Variants in GRM8 observed in about 807,000 individuals in gnomAD.
GRM8 encodes metabotropic glutamate receptor 8.
GRM8 carries 47 observed loss-of-function variants against 87.2 expected under a neutral mutation model. That is an observed-to-expected ratio of 0.54 (90% CI 0.43 to 0.69). The LOEUF (loss-of-function observed/expected upper bound fraction) is 0.69, where lower values mean the gene tolerates loss of function less well. Ranked by LOEUF, GRM8 falls within the 30% of genes least tolerant of loss-of-function variation. GRM8 has a pLI of 0.00. For missense variants in GRM8, 1,019 were observed against 1,139.2 expected, an observed-to-expected ratio of 0.89 and a Z score of 1.52; for synonymous variants, 396 against 404.5, an observed-to-expected ratio of 0.98 and a Z score of 0.25.
At chr7:126,785,124 G>C (rs1411889387) in intron 6 of GRM8, among the ~76,000 whole-genome samples, 1 of 152,154 alleles carries the variant, frequency 6.6e-6, no homozygotes, top group East Asian at 1.9e-4. Flanking sequence ...CTGGGCTCAA[G>C]CAATCCTCTT....
intron 9 of GRM8, among the ~76,000 whole-genome samples, chr7:126,467,989 A>C (rs1395891208): frequency 1.3e-5 from 2 of 152,084 alleles, no homozygotes; most frequent in African/African-American, 2.4e-5. Flanking sequence ...TAATATAATC[A>C]AACTTCAATT....
At chr7:127,166,475 C>T (rs1314620438) in intron 2 of GRM8, among the ~76,000 whole-genome samples, 2 of 152,120 alleles carry the variant, frequency 1.3e-5, no homozygotes, top group Non-Finnish European at 2.9e-5. Context: ...GAAGGCCATA[C>T]AAAATCAGCC....
rs146903036 is a variant in GRM8 at position 126,785,290 on chromosome 7, T to C, written c.1157-15225A>G. Among the ~76,000 whole-genome samples the C allele has an allele frequency of 5.9e-5, 9 of 152,254 alleles. No homozygotes were observed. The South Asian group carries it at 6.2e-4, about 11-fold the overall frequency. On this transcript the variant is annotated intron_variant, in intron 6 of 10. Coordinates refer to ENST00000339582, the MANE Select transcript of GRM8 (RefSeq NM_000845.3). ...GAGTAATCTGGTAAAACACCCTCTT[T>C]CGGTCAAGCTCTTTAGAAGAGCCTT...
chr7:127,172,582 G>A (rs1469653315), intron 2 of GRM8, among the ~76,000 whole-genome samples: 4 of 151,708 alleles, frequency 2.6e-5, no homozygotes, highest in Admixed American at 6.6e-5. Flanking sequence ...GTGGCACATG[G>A]CTGTAGTCCC....
chr7:126,590,789 G>T (rs1047141706), intron 8 of GRM8, among the ~76,000 whole-genome samples: 9 of 151,954 alleles, frequency 5.9e-5, no homozygotes, highest in African/African-American at 1.9e-4. Context: ...AATAAATAAA[G>T]GAAAGATACA....
intron 2 of GRM8, among the ~76,000 whole-genome samples, chr7:127,223,215 C>T (rs183245555): frequency 4.2e-4 from 64 of 152,092 alleles, no homozygotes; most frequent in Non-Finnish European, 7.1e-4. Context: ...GACATGGCAA[C>T]GAGTTCCTGA....
intron 3 of GRM8, among the ~76,000 whole-genome samples, chr7:127,060,969 T>C (rs908629608): frequency 6.6e-6 from 1 of 152,162 alleles, no homozygotes; most frequent in African/African-American, 2.4e-5. Flanking sequence ...AGTTATATAG[T>C]GATAGGGTGG....
chr7:126,463,310 T>G (rs1237179660), intron 9 of GRM8, among the ~76,000 whole-genome samples: 1 of 151,544 alleles, frequency 6.6e-6, no homozygotes, highest in Non-Finnish European at 1.5e-5. Flanking sequence ...TGCATATACT[T>G]TGAATTATTT....
chr7:127,190,346 C>T (rs1377367706), intron 2 of GRM8, among the ~76,000 whole-genome samples: 1 of 152,092 alleles, frequency 6.6e-6, no homozygotes, highest in African/African-American at 2.4e-5. Context: ...GAGTTCGAGA[C>T]CAGCCTGACC....
At chr7:126,668,293 C>T (rs1050047449) in intron 7 of GRM8, among the ~76,000 whole-genome samples, 8 of 152,150 alleles carry the variant, frequency 5.3e-5, no homozygotes, top group African/African-American at 1.9e-4. Context: ...AGGACCCCAT[C>T]GCTAGCTGAA....
chr7:127,140,830 A>G (rs971656563), intron 2 of GRM8, among the ~76,000 whole-genome samples: 2 of 152,146 alleles, frequency 1.3e-5, no homozygotes, highest in Admixed American at 1.3e-4. Flanking sequence ...AAAGCCAGGC[A>G]TGTGCCTTGA....
At chr7:126,701,910 C>T in intron 7 of GRM8, 1 of 469,506 alleles carries the variant, frequency 2.1e-6, no homozygotes, top group South Asian at 1.6e-5. Flanking sequence ...AGCCCCATGT[C>T]ATGCCTTCTG....
At chr7:126,861,870 G>A (rs1798166464) in intron 6 of GRM8, among the ~76,000 whole-genome samples, 1 of 151,812 alleles carries the variant, frequency 6.6e-6, no homozygotes, top group Admixed American at 6.6e-5. Context: ...TTTTTGATCT[G>A]TAACTGGCCT....
At chr7:127,161,669 T>A (rs1168393354) in intron 2 of GRM8, among the ~76,000 whole-genome samples, 1 of 152,124 alleles carries the variant, frequency 6.6e-6, no homozygotes, top group Non-Finnish European at 1.5e-5. Context: ...TTTACTTGAA[T>A]GCACTTTTTC....
intron 9 of GRM8, among the ~76,000 whole-genome samples, chr7:126,524,423 T>C (rs939389873): frequency 6.6e-6 from 1 of 152,232 alleles, no homozygotes; most frequent in East Asian, 1.9e-4. Context: ...TGAGATCTGA[T>C]GTTCATTCTT....
intron 3 of GRM8, among the ~76,000 whole-genome samples, chr7:127,050,432 A>G (rs1819353463): frequency 6.6e-6 from 1 of 152,212 alleles, no homozygotes; most frequent in Non-Finnish European, 1.5e-5. Flanking sequence ...GTGAAGGTCC[A>G]TTCCAGCACC....
intron 6 of GRM8, among the ~76,000 whole-genome samples, chr7:126,812,696 A>T (rs1793415132): frequency 6.6e-6 from 1 of 151,894 alleles, no homozygotes; most frequent in Admixed American, 6.6e-5. Flanking sequence ...AAGGGAGGAC[A>T]CTCTATACTC....
intron 7 of GRM8, among the ~76,000 whole-genome samples, chr7:126,651,422 C>T (rs371498559): frequency 2.0e-5 from 3 of 152,252 alleles, no homozygotes; most frequent in South Asian, 4.2e-4. Context: ...TCTGAATCGG[C>T]GTCCTATATA....
At chr7:126,569,547 G>T (rs1368737384) in intron 8 of GRM8, among the ~76,000 whole-genome samples, 1 of 152,182 alleles carries the variant, frequency 6.6e-6, no homozygotes, top group East Asian at 1.9e-4. Context: ...TAATTCTCTA[G>T]CAGTGTTAGC....
Sources: allele counts gnomAD v4.1 joint callset (sites outside exome capture counted in the v4.1 genomes callset), GRCh38; gene constraint gnomAD v4.1.1; transcripts MANE v1.5; gene names NCBI Gene and HGNC (gene_info 2026-07-23, HGNC 2026-07-21).